The following DNER variants were observed in gnomAD, a reference collection of about 807,000 sequenced individuals.
The protein encoded by DNER is delta/notch like EGF repeat containing, also known as delta and Notch-like epidermal growth factor-related receptor.
In DNER, 33 loss-of-function variants were observed where a neutral mutation model predicts 78.2. That is an observed-to-expected ratio of 0.42 (90% CI 0.32 to 0.56). The LOEUF (loss-of-function observed/expected upper bound fraction) is 0.56. Among genes scored for constraint, DNER ranks in the 20% least tolerant of loss-of-function variants. The probability of loss-of-function intolerance (pLI) is 0.11; values close to 1 mark genes in which losing one functional copy is unlikely to be tolerated. For synonymous variants in DNER, 417 were observed against 384.8 expected (o/e 1.08, Z -0.98); for missense variants, 918 against 975.3 (o/e 0.94, Z 0.78).
chr2:229,692,168 C>T (rs1699586305), intron 1 of DNER, among the ~76,000 whole-genome samples: 1 of 152,202 alleles, frequency 6.6e-6, no homozygotes, highest in African/African-American at 2.4e-5. Context: ...TCTTCTGTTG[C>T]TTGCAACCCA....
rs1202841957 is a variant in DNER, at chr2:229,357,974, G to C, written c.*566C>G. 1.3e-5 allele frequency: 2 copies of C among 152,608 alleles called. No homozygotes were observed. Among genetic ancestry groups the C allele is most frequent in the African/African-American group, 4.8e-5 (2 of 41,450 alleles). The allele number at this position is 152,608 out of a possible 1,614,324, so 9.5% of individuals were successfully genotyped here. A position where few individuals can be genotyped will look rare whatever the true frequency, so the allele number is the denominator to read the frequency against. On this transcript the variant is annotated 3_prime_UTR_variant, in exon 13 of 13. Coordinates refer to ENST00000341772, the MANE Select transcript of DNER (RefSeq NM_139072.4). ...GAAAATGACAAAAACAAACTCGAAA[G>C]AATGTTTCCACAAAGTTCAACAAAA...
rs763967495 is a variant in DNER, at chr2:229,512,860, G to T, written c.1070C>A (p.Pro357His). The T allele has an allele frequency of 6.2e-7, 1 of 1,614,016 alleles. No individual in the cohort carries two copies. The highest frequency in any genetic ancestry group is 2.2e-5 in the East Asian group (1 of 44,886). Reference protein sequence around the residue: ...CEEYDACQRKPCQNNASCIDA... With the variant: ...CEEYDACQRKHCQNNASCIDA... ...AATACAGCTCGCGTTGTTTTGGCAA[G>T]GTTTCCTCTGGCAAGCATCGTATTC... Residue 357 changes from proline (P) to histidine (H), a missense_variant, in exon 6 of 13, where the codon CCT becomes CAT. Physicochemically the swap from Pro to His is moderately conservative, Grantham distance 77. Coordinates refer to ENST00000341772, the MANE Select transcript of DNER (RefSeq NM_139072.4).
intron 6 of DNER, among the ~76,000 whole-genome samples, chr2:229,502,433 G>C (rs55707121): frequency 0.14 from 20,968 of 152,038 alleles, 1,505 homozygotes; most frequent in South Asian, 0.19. Context: ...TGTACTGCTT[G>C]TCAATAAGAG....
rs73998268 is a variant in DNER at position 229,535,212 on chromosome 2, G to T, written c.993+11735C>A. 3.2e-3 allele frequency among the ~76,000 whole-genome samples: 487 copies of T among 152,152 alleles called. 4 individuals carry two copies. The highest frequency in any genetic ancestry group is 0.011 in the African/African-American group (455 of 41,522). ...TAACCCAATCGACAAAAGCTCTTTG[G>T]GGTCCTCAATCATTTCTAAGAATGT... On this transcript the variant is annotated intron_variant, in intron 5 of 12. Transcript: ENST00000341772.
chr2:229,477,239 G>T lies in DNER; in HGVS notation c.1162C>A (p.Leu388Ile). ...CVCLPGYTGE[L>I]CQSKIDYCIL... ...CAGTAATCAATCTTGGACTGGCAAA[G>T]CTCTCCAGTATAACCTGAATAAAAC... The change falls in exon 7 of 13, where the codon CTT becomes ATT. Residue 388 changes from leucine (L) to isoleucine (I), a missense_variant. Physicochemically the swap from Leu to Ile is conservative, Grantham distance 5. Transcript: ENST00000341772. 1.9e-6 allele frequency: 3 copies of T among 1,612,862 alleles called. No homozygotes were observed. Among genetic ancestry groups the T allele is most frequent in the Non-Finnish European group, 2.5e-6 (3 of 1,179,364 alleles).
intron 5 of DNER, among the ~76,000 whole-genome samples, chr2:229,527,749 T>A (rs1281413443): frequency 6.6e-6 from 1 of 152,252 alleles, no homozygotes; most frequent in Non-Finnish European, 1.5e-5. Context: ...TATTTTCTCC[T>A]ACTATTACTC....
chr2:229,358,206 C>T lies in DNER; in HGVS notation c.*334G>A. The T allele has an allele frequency of 6.0e-6, 1 of 167,668 alleles. No individual in the cohort carries two copies. The highest frequency in any genetic ancestry group is 1.3e-5 in the Non-Finnish European group (1 of 77,862). 10.4% of individuals were successfully genotyped at this position (167,668 alleles called of 1,614,324 possible). On this transcript the variant is annotated 3_prime_UTR_variant, in exon 13 of 13. Transcript: ENST00000341772. Reference sequence around the variant, plus strand: ...ACTCAGAAAGCCGGCACTCAAACGTCAAACAGAAACTTCTCCTTGATTAGA... The same window carrying T: ...ACTCAGAAAGCCGGCACTCAAACGTTAAACAGAAACTTCTCCTTGATTAGA...
intron 1 of DNER, among the ~76,000 whole-genome samples, chr2:229,651,796 A>C (rs1338111922): frequency 6.6e-6 from 1 of 152,230 alleles, no homozygotes; most frequent in Non-Finnish European, 1.5e-5. Flanking sequence ...GCAACTAGCA[A>C]TCAAACAGAG....
At chr2:229,374,595 T>C (rs1036227735) in intron 11 of DNER, among the ~76,000 whole-genome samples, 1 of 152,156 alleles carries the variant, frequency 6.6e-6, no homozygotes, top group Non-Finnish European at 1.5e-5. Flanking sequence ...GACACTATTA[T>C]TGCCTTCATT....
intron 6 of DNER, among the ~76,000 whole-genome samples, chr2:229,479,059 T>C (rs1289265657): frequency 6.6e-6 from 1 of 152,196 alleles, no homozygotes; most frequent in Non-Finnish European, 1.5e-5. Flanking sequence ...AGTGAGAACA[T>C]GTGGTGTTTG....
At chr2:229,649,088 G>A (rs985401364) in intron 1 of DNER, among the ~76,000 whole-genome samples, 2 of 152,180 alleles carry the variant, frequency 1.3e-5, no homozygotes, top group South Asian at 2.1e-4. Context: ...TAACAGAGAC[G>A]AGGAGAGAGG....
intron 8 of DNER, among the ~76,000 whole-genome samples, chr2:229,439,724 G>A (rs1035328970): frequency 1.3e-5 from 2 of 152,208 alleles, no homozygotes; most frequent in African/African-American, 4.8e-5. Context: ...TGACCCTCCA[G>A]GGCCATAAGC....
intron 7 of DNER, among the ~76,000 whole-genome samples, chr2:229,453,920 T>TAAAAAA (rs10602558): frequency 1.1e-4 from 12 of 106,820 alleles, no homozygotes; most frequent in South Asian, 3.9e-4. Flanking sequence ...TAAAATATAT[T>TAAAAAA]AAAAAAAAAA....
intron 10 of DNER, among the ~76,000 whole-genome samples, chr2:229,396,211 G>T (rs1392048568): frequency 6.6e-6 from 1 of 152,072 alleles, no homozygotes; most frequent in African/African-American, 2.4e-5. Context: ...ATATAAAAGA[G>T]CTCTAATTAC....
chr2:229,394,104 G>A (rs190988931), intron 10 of DNER, among the ~76,000 whole-genome samples: 111 of 152,236 alleles, frequency 7.3e-4, no homozygotes, highest in African/African-American at 2.3e-3. Flanking sequence ...GTGCAGAAGC[G>A]AAAGCAACTG....
intron 1 of DNER, among the ~76,000 whole-genome samples, chr2:229,592,448 T>C (rs1029914123): frequency 6.6e-6 from 1 of 152,228 alleles, no homozygotes; most frequent in Non-Finnish European, 1.5e-5. Context: ...TCAGTTTGCA[T>C]GGCAGTTGCT....
At chr2:229,518,479 T>G (rs1178955661) in intron 5 of DNER, among the ~76,000 whole-genome samples, 4 of 152,240 alleles carry the variant, frequency 2.6e-5, no homozygotes, top group African/African-American at 9.6e-5. Context: ...AAGTGTAAAT[T>G]GATACGAGGA....
Position 229,528,782 on chromosome 2 carries a change from A to G in DNER, c.994-15846T>C, listed in dbSNP as rs535144383. Among the ~76,000 whole-genome samples, 12 of 152,330 alleles carry G rather than the reference A, an allele frequency of 7.9e-5. No individual in the cohort carries two copies. In the East Asian group the frequency reaches 1.5e-3, roughly 20 times the overall value. On this transcript the variant is annotated intron_variant, in intron 5 of 12. Coordinates refer to ENST00000341772, the MANE Select transcript of DNER (RefSeq NM_139072.4). ...CTTCTTACTGCTCTAAACAAAACTG[A>G]AAAATGTGAGTGTCTTTGCAGTGCT...
intron 1 of DNER, among the ~76,000 whole-genome samples, chr2:229,611,168 C>A (rs1278938814): frequency 6.6e-6 from 1 of 152,224 alleles, no homozygotes; most frequent in Middle Eastern, 3.2e-3. Flanking sequence ...TATGTAACTG[C>A]AATTACTTAA....
Sources: allele counts gnomAD v4.1 joint callset (sites outside exome capture counted in the v4.1 genomes callset), GRCh38; gene constraint gnomAD v4.1.1; transcripts MANE v1.5; gene names NCBI Gene and HGNC (gene_info 2026-07-23, HGNC 2026-07-21).